Variants in DNM3 observed in about 807,000 individuals in gnomAD.
The protein encoded by DNM3 is dynamin-3.
DNM3 carries 47 observed loss-of-function variants against 101.6 expected under a neutral mutation model. The observed-to-expected ratio is 0.46, with a 90% CI of 0.37 to 0.59. The LOEUF (loss-of-function observed/expected upper bound fraction) is 0.59. DNM3 is among the 20% of genes least tolerant of loss of function. The pLI is 0.00. For missense variants in DNM3, 849 were observed against 1,085.7 expected (o/e 0.78, Z 3.06); for synonymous variants, 385 against 387.9 (o/e 0.99, Z 0.09).
intron 13 of DNM3, among the ~76,000 whole-genome samples, chr1:172,095,823 A>G (rs1379244938): frequency 6.6e-6 from 1 of 152,234 alleles, no homozygotes; most frequent in East Asian, 1.9e-4. Context: ...TAGAAATTGT[A>G]ATAGTTTCAC....
chr1:171,969,074 A>C (rs552495911), intron 2 of DNM3, among the ~76,000 whole-genome samples: 1 of 152,334 alleles, frequency 6.6e-6, no homozygotes, highest in African/African-American at 2.4e-5. Flanking sequence ...TAGCATGTAC[A>C]TGCTTTCTGG....
intron 16 of DNM3, 66 bp from the exon 17 acceptor site, chr1:172,323,263 C>T: frequency 2.0e-6 from 3 of 1,488,672 alleles, no homozygotes; most frequent in South Asian, 2.6e-5. Context: ...AAAAAACCCT[C>T]ATAATTTTAA....
intron 9 of DNM3, 95 bp downstream of exon 9, chr1:172,044,547 A>G: frequency 2.0e-6 from 2 of 1,004,200 alleles, no homozygotes; most frequent in African/African-American, 3.2e-5. Context: ...TCATCATTGA[A>G]TAGGGTAGAA....
At chr1:172,039,996 G>A (rs1456322724) in intron 7 of DNM3, among the ~76,000 whole-genome samples, 6 of 152,186 alleles carry the variant, frequency 3.9e-5, no homozygotes, top group Non-Finnish European at 1.5e-5. Context: ...GGATGAGGAA[G>A]CAGTTACATG....
At chr1:172,075,344 T>G (rs879582125) in intron 11 of DNM3, among the ~76,000 whole-genome samples, 3 of 152,214 alleles carry the variant, frequency 2.0e-5, no homozygotes, top group Non-Finnish European at 4.4e-5. Flanking sequence ...GTTTTGGCTT[T>G]TGTTGCCATT....
chr1:171,878,767 T>A (rs146123251), intron 1 of DNM3, among the ~76,000 whole-genome samples: 1 of 152,210 alleles, frequency 6.6e-6, no homozygotes, highest in Non-Finnish European at 1.5e-5. Context: ...TTGGGTACTG[T>A]TGGGACCTTC....
intron 13 of DNM3, among the ~76,000 whole-genome samples, chr1:172,106,025 A>C (rs2054987985): frequency 6.6e-6 from 1 of 152,216 alleles, no homozygotes; most frequent in South Asian, 2.1e-4. Flanking sequence ...TATTCCTTAC[A>C]GAACAATATA....
intron 15 of DNM3, among the ~76,000 whole-genome samples, chr1:172,265,387 A>G (rs2062819997): frequency 6.6e-6 from 1 of 152,150 alleles, no homozygotes; most frequent in Non-Finnish European, 1.5e-5. Flanking sequence ...AGTTGCAGTG[A>G]CTTCAGCACT....
chr1:171,982,652 ATGTGTGTGTTTG>A (rs1171702915), intron 2 of DNM3, among the ~76,000 whole-genome samples: 1 of 100,756 alleles, frequency 9.9e-6, no homozygotes, highest in East Asian at 2.9e-4. Flanking sequence ...TTTTGCATGC[ATGTGTGTGTTTG>A]TGTGTGTGTG....
rs150714365 is a variant in DNM3 at position 172,336,635 on chromosome 1, C to T, written c.1893+13295C>T. On this transcript the variant is annotated intron_variant, in intron 17 of 20. Transcript: ENST00000627582. ...ACATTCCTGATATCTTACCTAATCACAGCCTACAATGTTTTCTTTTACCTT... is the reference window on the plus strand; with the variant it reads ...ACATTCCTGATATCTTACCTAATCATAGCCTACAATGTTTTCTTTTACCTT... 1.6e-3 allele frequency among the ~76,000 whole-genome samples: 237 copies of T among 151,160 alleles called. 1 individual carries two copies. The highest frequency in any genetic ancestry group is 9.7e-3 in the Admixed American group (148 of 15,194).
chr1:171,982,189 A>G (rs949960423), intron 2 of DNM3, among the ~76,000 whole-genome samples: 1 of 152,210 alleles, frequency 6.6e-6, no homozygotes, highest in Non-Finnish European at 1.5e-5. Flanking sequence ...AAACCGTGGT[A>G]AACTATGGTA....
chr1:172,064,741 A>G (rs565130444), intron 10 of DNM3, among the ~76,000 whole-genome samples: 2 of 152,284 alleles, frequency 1.3e-5, no homozygotes, highest in Admixed American at 6.5e-5. Flanking sequence ...TACTCCCACA[A>G]TCAGTTCAAT....
intron 15 of DNM3, among the ~76,000 whole-genome samples, chr1:172,258,790 C>A (rs1480884274): frequency 6.6e-6 from 1 of 151,338 alleles, no homozygotes; most frequent in Non-Finnish European, 1.5e-5. Flanking sequence ...TCTATTAATT[C>A]TGGGTTTTGT....
intron 13 of DNM3, among the ~76,000 whole-genome samples, chr1:172,104,820 C>T (rs7541042): frequency 0.078 from 11,831 of 152,126 alleles, 1,500 homozygotes; most frequent in African/African-American, 0.27. Flanking sequence ...GTCTGAGATT[C>T]GTCATGGCAC....
At chr1:172,290,009 A>G (rs2063841657) in intron 15 of DNM3, 1 of 916,462 alleles carries the variant, frequency 1.1e-6, no homozygotes. Flanking sequence ...TTGATGATTA[A>G]TTTGTGATAA....
chr1:172,389,673 C>A lies in DNM3; in HGVS notation c.2522+864C>A, dbSNP rs115382358. ...AAGTTAATTTTTAAAAAATTCAATT[C>A]AGAGAATTAAAATATTTATATACTC... On this transcript the variant is annotated intron_variant, in intron 20 of 20. Coordinates refer to ENST00000627582, the MANE Select transcript of DNM3 (RefSeq NM_015569.5). Among the ~76,000 whole-genome samples the A allele has an allele frequency of 4.7e-3, 718 of 152,166 alleles. 3 individuals are homozygous for A. The highest frequency in any genetic ancestry group is 0.016 in the African/African-American group (683 of 41,488).
At chr1:171,876,704 T>G (rs1296710507) in intron 1 of DNM3, among the ~76,000 whole-genome samples, 4 of 152,374 alleles carry the variant, frequency 2.6e-5, no homozygotes, top group South Asian at 4.1e-4. Context: ...GACTATAATC[T>G]AGAAAGAGCA....
At chr1:172,168,229 A>G (rs752496508) in intron 14 of DNM3, among the ~76,000 whole-genome samples, 17 of 144,766 alleles carry the variant, frequency 1.2e-4, no homozygotes, top group Non-Finnish European at 2.3e-4. Flanking sequence ...TAGATTACTA[A>G]TCATTAAATA....
In DNM3 at chr1:172,209,787, T is replaced by C. The variant is rs905085023; in HGVS notation, c.1660-43786T>C. Among the ~76,000 whole-genome samples the C allele has an allele frequency of 1.8e-4, 28 of 152,198 alleles. No individual in the cohort carries two copies. In the East Asian group the frequency reaches 5.2e-3, roughly 28 times the overall value. ...TCTAATATTTCCCAGGCCATTTTTT[T>C]CCTCATCTGGAAAATGCAGTTACTG... On this transcript the variant is annotated intron_variant, in intron 14 of 20. Coordinates refer to ENST00000627582, the MANE Select transcript of DNM3 (RefSeq NM_015569.5).
Sources: allele counts gnomAD v4.1 joint callset (sites outside exome capture counted in the v4.1 genomes callset), GRCh38; gene constraint gnomAD v4.1.1; transcripts MANE v1.5; gene names NCBI Gene and HGNC (gene_info 2026-07-23, HGNC 2026-07-21).